The following ANKRD12 variants were observed in gnomAD, a reference collection of about 807,000 sequenced individuals.
ANKRD12 encodes ankyrin repeat domain-containing protein 12.
A neutral mutation model predicts 183.4 loss-of-function variants in ANKRD12; 85 were observed. The ratio of observed to expected loss-of-function variants is 0.46; its 90% CI spans 0.39 to 0.56. The LOEUF is 0.56. ANKRD12 is among the 20% of genes least tolerant of loss of function. ANKRD12 has a pLI of 0.00. For synonymous variants in ANKRD12, 914 were observed against 800.2 expected (o/e 1.14, Z -2.40); for missense variants, 2,405 against 2,357.1 (o/e 1.02, Z -0.42).
intron 1 of ANKRD12, among the ~76,000 whole-genome samples, chr18:9,170,235 A>AT (rs1389318138): frequency 6.6e-6 from 1 of 152,006 alleles, no homozygotes; most frequent in Non-Finnish European, 1.5e-5. Context: ...CATTCTCTGT[A>AT]TTTCCTGAAT....
At chr18:9,149,011 C>T (rs1457071251) in intron 1 of ANKRD12, among the ~76,000 whole-genome samples, 1 of 152,088 alleles carries the variant, frequency 6.6e-6, no homozygotes, top group African/African-American at 2.4e-5. Context: ...GCTTATCCTC[C>T]TCCCACACCA....
intron 10 of ANKRD12, among the ~76,000 whole-genome samples, chr18:9,270,632 G>A (rs1005551432): frequency 6.6e-6 from 1 of 152,156 alleles, no homozygotes; most frequent in African/African-American, 2.4e-5. Flanking sequence ...GAGGGAGGCG[G>A]GGAGGGATAG....
intron 1 of ANKRD12, among the ~76,000 whole-genome samples, chr18:9,144,513 G>A (rs763640939): frequency 2.2e-4 from 33 of 152,174 alleles, no homozygotes; most frequent in Non-Finnish European, 3.8e-4. Context: ...TAGGGTGGGA[G>A]TAGCAGAAAA....
intron 5 of ANKRD12, among the ~76,000 whole-genome samples, chr18:9,211,345 C>T (rs2144634155): frequency 6.6e-6 from 1 of 152,090 alleles, no homozygotes; most frequent in South Asian, 2.1e-4. Context: ...TCATTTTAAA[C>T]CAATTTTATG....
rs137892766 is a variant in ANKRD12, at chr18:9,258,850, T to C, written c.5583T>C (p.Pro1861=). ...KLLCSVIPQA[P]QYYDEYVTFN... ...TGTGTAGTGTGATTCCTCAAGCACC[T>C]CAGTACTATGACGAATATGTAACAT... Residue 1861 remains proline, a synonymous_variant, in exon 9 of 13, where the codon CCT becomes CCC. Coordinates refer to ENST00000262126, the MANE Select transcript of ANKRD12 (RefSeq NM_015208.5). The C allele has an allele frequency of 4.4e-5, 71 of 1,613,792 alleles. No homozygotes were observed. The highest frequency in any genetic ancestry group is 4.3e-5 in the Non-Finnish European group (51 of 1,179,862).
chr18:9,152,190 G>C (rs762869576), intron 1 of ANKRD12, among the ~76,000 whole-genome samples: 2 of 152,178 alleles, frequency 1.3e-5, no homozygotes, highest in Non-Finnish European at 2.9e-5. Context: ...GGAAAAGCTA[G>C]ATAAAAATAA....
At chr18:9,229,477 G>A (rs1354707066) in intron 8 of ANKRD12, among the ~76,000 whole-genome samples, 2 of 152,024 alleles carry the variant, frequency 1.3e-5, no homozygotes, top group Non-Finnish European at 2.9e-5. Context: ...TTCCATCAGC[G>A]TTTTGTAGTT....
chr18:9,237,865 T>G (rs2037436832), intron 8 of ANKRD12, among the ~76,000 whole-genome samples: 1 of 152,124 alleles, frequency 6.6e-6, no homozygotes, highest in African/African-American at 2.4e-5. Context: ...TTGATAATTT[T>G]TTTACACATA....
At chr18:9,200,606 A>T (rs1437285191) in intron 3 of ANKRD12, 1 of 152,172 alleles carries the variant, frequency 6.6e-6, no homozygotes, top group African/African-American at 2.4e-5. Context: ...GTTGACCCTA[A>T]GCCCCCTACG....
chr18:9,210,217 TCAG>T (rs1241213254), intron 5 of ANKRD12, among the ~76,000 whole-genome samples: 18 of 152,138 alleles, frequency 1.2e-4, no homozygotes, highest in African/African-American at 4.3e-4. Context: ...TTTAAGAAAT[TCAG>T]CAAGCAAATT....
At chr18:9,258,984 T>C in intron 9 of ANKRD12, 53 bp downstream of exon 9, 2 of 1,515,770 alleles carry the variant, frequency 1.3e-6, no homozygotes, top group South Asian at 2.7e-5. Flanking sequence ...AATAGAAGTA[T>C]AATGCTAGCC....
intron 8 of ANKRD12, among the ~76,000 whole-genome samples, chr18:9,251,633 A>C (rs1270910480): frequency 6.6e-6 from 1 of 152,072 alleles, no homozygotes; most frequent in Non-Finnish European, 1.5e-5. Flanking sequence ...GTCTCTACTG[A>C]AGATACAAAA....
At chr18:9,168,667 C>G (rs1255697749) in intron 1 of ANKRD12, among the ~76,000 whole-genome samples, 1 of 152,072 alleles carries the variant, frequency 6.6e-6, no homozygotes, top group East Asian at 1.9e-4. Context: ...TTTCAGAAAA[C>G]CAGCTCCTGG....
chr18:9,258,448 T>C lies in ANKRD12; in HGVS notation c.5181T>C (p.Thr1727=). 1.2e-6 allele frequency: 2 copies of C among 1,613,802 alleles called. No individual in the cohort carries two copies. The highest frequency in any genetic ancestry group is 1.3e-5 in the African/African-American group (1 of 75,012). ...AAGAAAATGCCGAAGATGATAAAAC[T>C]GAAAACCAAATCCCTCAAAGAATGA... is the stretch of plus-strand genomic sequence containing the variant. ...ELEENAEDDK[T]ENQIPQRMTR... Residue 1727 remains threonine (T), a synonymous_variant, in exon 9 of 13, where the codon ACT becomes ACC. Coordinates refer to ENST00000262126, the MANE Select transcript of ANKRD12 (RefSeq NM_015208.5).
chr18:9,217,789 G>A lies in ANKRD12; in HGVS notation c.795+889G>A, dbSNP rs527558265. On this transcript the variant is annotated intron_variant, in intron 7 of 12. Coordinates refer to ENST00000262126, the MANE Select transcript of ANKRD12 (RefSeq NM_015208.5). The stretch of plus-strand genomic sequence containing the variant: ...TCATGTTTCCTGCACTAGACTGCAA[G>A]TACTACCATGCATACTGGCATTTTA... 3.2e-4 allele frequency among the ~76,000 whole-genome samples: 48 copies of A among 152,222 alleles called. No homozygotes were observed. The South Asian group carries it at 1.0e-2, about 32-fold the overall frequency.
Position 9,254,424 on chromosome 18 carries a change from G to A in ANKRD12, c.1157G>A (p.Arg386Gln), listed in dbSNP as rs747330128. Residue 386 changes from arginine to glutamine, a missense_variant, in exon 9 of 13, where the codon CGA becomes CAA. Physicochemically the swap from Arg to Gln is conservative, Grantham distance 43. Around this residue, in one of 7 missense-constraint regions of ANKRD12, gnomAD observed 1,983 missense variants for 1,725.9 expected, o/e 1.15. Transcript: ENST00000262126. ...AGGCATATTCTTAGGAAAGAACAAC[G>A]AAAAGAAAATGAACCTGAAGCAGAA... ...DDRHILRKEQ[R>Q]KENEPEAEKT... 9.5e-6 allele frequency: 15 copies of A among 1,584,604 alleles called. No homozygotes were observed. Among genetic ancestry groups the A allele is most frequent in the Non-Finnish European group, 1.2e-5 (14 of 1,169,852 alleles).
chr18:9,245,252 GC>G (rs1196572844), intron 8 of ANKRD12, among the ~76,000 whole-genome samples: 1 of 150,786 alleles, frequency 6.6e-6, no homozygotes, highest in African/African-American at 2.4e-5. Context: ...GAGTTCGAGA[GC>G]AGCCTGGGCA....
chr18:9,165,084 T>C (rs1212772377), intron 1 of ANKRD12, among the ~76,000 whole-genome samples: 1 of 152,212 alleles, frequency 6.6e-6, no homozygotes, highest in Admixed American at 6.5e-5. Flanking sequence ...GGTGCTCCTG[T>C]ATTGGTTGCA....
intron 8 of ANKRD12, among the ~76,000 whole-genome samples, chr18:9,247,771 GT>G (rs1051554232): frequency 1.3e-5 from 2 of 150,802 alleles, no homozygotes; most frequent in African/African-American, 4.9e-5. Flanking sequence ...CATCTCCATA[GT>G]TTTGGGGTTT....
Sources: allele counts gnomAD v4.1 joint callset (sites outside exome capture counted in the v4.1 genomes callset), GRCh38; gene constraint gnomAD v4.1.1; regional missense constraint gnomAD v4.1.1; transcripts MANE v1.5; gene names NCBI Gene and HGNC (gene_info 2026-07-23, HGNC 2026-07-21).